The following FAM120C variants were observed in gnomAD, a reference collection of about 807,000 sequenced individuals.
FAM120C encodes the protein constitutive coactivator of PPAR-gamma-like protein 2.
In FAM120C, 14 loss-of-function variants were observed where a neutral mutation model predicts 71.2. The observed-to-expected ratio is 0.20, with a 90% CI of 0.13 to 0.31. FAM120C has a LOEUF of 0.31. Among genes scored for constraint, FAM120C ranks in the 10% least tolerant of loss-of-function variants. The pLI, the probability that FAM120C is intolerant of heterozygous loss-of-function variation, is 1.00. For missense variants in FAM120C, 500 were observed against 879.0 expected, an observed-to-expected ratio of 0.57 and a Z score of 5.45; for synonymous variants, 354 against 353.2, an observed-to-expected ratio of 1.00 and a Z score of -0.03.
At chrX:54,143,850 G>A (rs1484265906) in intron 4 of FAM120C, among the ~76,000 whole-genome samples, 1 of 111,488 alleles carries the variant, frequency 9.0e-6, no homozygotes, top group Non-Finnish European at 1.9e-5. Flanking sequence ...AAGCCTGGCA[G>A]AGACACAACA....
intron 9 of FAM120C, among the ~76,000 whole-genome samples, chrX:54,126,298 AAACATCTTT>A (rs2067026835): frequency 8.9e-6 from 1 of 112,435 alleles, no homozygotes; most frequent in Non-Finnish European, 1.9e-5. Context: ...TTTAGGAGAA[AAACATCTTT>A]CACCATTAAG....
intron 10 of FAM120C, among the ~76,000 whole-genome samples, chrX:54,112,981 T>C (rs1175431718): frequency 2.8e-5 from 3 of 107,076 alleles, no homozygotes; most frequent in Non-Finnish European, 5.8e-5. Flanking sequence ...GATCACGCCA[T>C]TGCACTCCAG....
At chrX:54,131,083 C>T (rs1288726198) in intron 9 of FAM120C, among the ~76,000 whole-genome samples, 1 of 112,030 alleles carries the variant, frequency 8.9e-6, no homozygotes, top group Non-Finnish European at 1.9e-5. Context: ...AGGAAAAATA[C>T]ATCTGATCTA....
intron 15 of FAM120C, 23 bp downstream of exon 15, chrX:54,080,205 CTAAA>C: frequency 8.5e-7 from 1 of 1,170,291 alleles, no homozygotes. Context: ...CAAACAGAAG[CTAAA>C]TAATCTCAAA....
chrX:54,170,123 T>A (rs1311031321), intron 1 of FAM120C, among the ~76,000 whole-genome samples: 1 of 111,215 alleles, frequency 9.0e-6, no homozygotes, highest in Non-Finnish European at 1.9e-5. Flanking sequence ...AATTTGCGAG[T>A]ACCCAATTTT....
At chrX:54,133,004 A>G in intron 8 of FAM120C, 141 bp from the exon 9 acceptor site, 1 of 424,851 alleles carries the variant, frequency 2.4e-6, no homozygotes, top group Non-Finnish European at 3.8e-6. Flanking sequence ...TACTAAAAAG[A>G]AGCTGTAACA....
rs2066758027 is a variant in FAM120C, at chrX:54,080,288, G to A, written c.2980C>T (p.His994Tyr). The A allele has an allele frequency of 1.7e-6, 2 of 1,203,381 alleles. No individual in the cohort carries two copies. The highest frequency in any genetic ancestry group is 2.2e-6 in the Non-Finnish European group (2 of 889,885). Reference sequence around the variant, plus strand: ...CCTCTACCAGTCTGTTCTTTTCCATGCCTTTAGCAAGTGAGAAAAAAAGTG... The same window carrying A: ...CCTCTACCAGTCTGTTCTTTTCCATACCTTTAGCAAGTGAGAAAAAAAGTG... The part of the protein sequence containing the change: ...VVSVGGPGKG[H>Y]GKEQTGRGSK... The change falls in exon 15 of 16, where the codon CAT becomes TAT. Residue 994 changes from histidine (H) to tyrosine (Y), a missense_variant and splice_region_variant. This residue lies in a region of FAM120C where 85 missense variants were observed against 96.1 expected (regional missense o/e 0.88). Coordinates refer to ENST00000375180, the MANE Select transcript of FAM120C (RefSeq NM_017848.6).
At chrX:54,108,352 C>T (rs1557125146) in intron 10 of FAM120C, among the ~76,000 whole-genome samples, 1 of 110,180 alleles carries the variant, frequency 9.1e-6, no homozygotes, top group East Asian at 2.9e-4. Flanking sequence ...GATGTCAAAG[C>T]TCCCCAAATT....
At chrX:54,158,374 C>A (rs2067220394) in intron 2 of FAM120C, among the ~76,000 whole-genome samples, 1 of 112,349 alleles carries the variant, frequency 8.9e-6, no homozygotes, top group African/African-American at 3.2e-5. Context: ...AGAGCAAAGG[C>A]CATGCCTGAG....
chrX:54,174,127 G>A, intron 1 of FAM120C: 1 of 513,876 alleles, frequency 1.9e-6, no homozygotes, highest in Non-Finnish European at 3.5e-6. Flanking sequence ...CCATAGGGCA[G>A]CTCACAACAT....
chrX:54,165,785 T>A (rs868956780), intron 1 of FAM120C, among the ~76,000 whole-genome samples: 29 of 108,154 alleles, frequency 2.7e-4, no homozygotes, highest in African/African-American at 8.9e-4. Flanking sequence ...TCAAAAAAAA[T>A]AATAATAATA....
chrX:54,125,080 C>T (rs782225454), intron 9 of FAM120C, among the ~76,000 whole-genome samples: 1 of 110,314 alleles, frequency 9.1e-6, no homozygotes, highest in African/African-American at 3.3e-5. Context: ...CCAGGCATGA[C>T]GGCTCACACC....
chrX:54,149,795 G>A (rs2067176013), intron 4 of FAM120C, among the ~76,000 whole-genome samples: 2 of 111,720 alleles, frequency 1.8e-5, no homozygotes, highest in African/African-American at 6.5e-5. Context: ...TAGTACAACT[G>A]TTCTGTATTC....
intron 8 of FAM120C, 46 bp downstream of exon 8, chrX:54,133,727 G>A (rs1291885522): frequency 8.6e-7 from 1 of 1,163,731 alleles, no homozygotes; most frequent in Non-Finnish European, 1.2e-6. Context: ...GAAGTAGGAA[G>A]TACAGTGTTA....
chrX:54,143,372 C>T (rs1237689494), intron 4 of FAM120C, among the ~76,000 whole-genome samples: 1 of 109,303 alleles, frequency 9.1e-6, no homozygotes, highest in African/African-American at 3.3e-5. Context: ...TCAATGAATC[C>T]AGGAGCTGGT....
Position 54,133,868 on chromosome X carries a change from G to T in FAM120C, c.1795C>A (p.Pro599Thr). The change falls in exon 8 of 16, where the codon CCC becomes ACC. Residue 599 changes from proline to threonine, a missense_variant. By Grantham distance (38) the Pro-to-Thr change is conservative. Around this residue, in one of 11 missense-constraint regions of FAM120C, gnomAD observed 104 missense variants for 254.5 expected, o/e 0.41. Coordinates refer to ENST00000375180, the MANE Select transcript of FAM120C (RefSeq NM_017848.6). The stretch of plus-strand genomic sequence containing the variant: ...ACTTCTGGAGCTACTGGAGGTAAGG[G>T]TGGAATGGTGATATCCATGTGGTTC... ...TRNHMDITIP[P>T]LPPVAPEVLR... 8.3e-7 allele frequency: 1 copy of T among 1,211,324 alleles called. No individual in the cohort carries two copies. The highest frequency in any genetic ancestry group is 1.1e-6 in the Non-Finnish European group (1 of 895,346).
chrX:54,110,250 A>C (rs1178079990), intron 10 of FAM120C, among the ~76,000 whole-genome samples: 1 of 108,834 alleles, frequency 9.2e-6, no homozygotes, highest in Non-Finnish European at 1.9e-5. Flanking sequence ...GGCCTCCCTA[A>C]GTGCTGGGAT....
chrX:54,135,013 G>A lies in FAM120C; in HGVS notation c.1434C>T (p.Ser478=). The A allele has an allele frequency of 8.3e-7, 1 of 1,211,663 alleles. No individual in the cohort carries two copies. ...GCATGGGATCCTCAGAAAAAGCATG[G>A]GATTCCCCCAAAGCATGGGAGGAGA... The part of the protein sequence containing the change: ...LLFSSHALGE[S]HAFSEDPMLQ... The change falls in exon 7 of 16, where the codon TCC becomes TCT. Residue 478 remains serine, a synonymous_variant. Coordinates refer to ENST00000375180, the MANE Select transcript of FAM120C (RefSeq NM_017848.6).
intron 12 of FAM120C, among the ~76,000 whole-genome samples, chrX:54,087,481 C>G (rs1447264651): frequency 7.2e-5 from 8 of 110,665 alleles, no homozygotes; most frequent in African/African-American, 2.6e-4. Flanking sequence ...TATAGTACAT[C>G]TGAATATTCC....
Sources: allele counts gnomAD v4.1 joint callset (sites outside exome capture counted in the v4.1 genomes callset), GRCh38; gene constraint gnomAD v4.1.1; regional missense constraint gnomAD v4.1.1; transcripts MANE v1.5; gene names NCBI Gene and HGNC (gene_info 2026-07-23, HGNC 2026-07-21).